The following CDH4 variants were observed in gnomAD, a reference collection of about 807,000 sequenced individuals.
The protein encoded by CDH4 is cadherin-4.
In CDH4, 33 loss-of-function variants were observed where a neutral mutation model predicts 86.0. That is an observed-to-expected ratio of 0.38 (90% CI 0.29 to 0.51). The LOEUF (loss-of-function observed/expected upper bound fraction) is 0.51. Among genes scored for constraint, CDH4 ranks in the 20% least tolerant of loss-of-function variants. CDH4 has a pLI of 0.86. For synonymous variants in CDH4, 555 were observed against 549.4 expected (o/e 1.01, Z -0.14); for missense variants, 1,114 against 1,307.4 (o/e 0.85, Z 2.28).
At chr20:61,455,163 A>G (rs1471907496) in intron 2 of CDH4, among the ~76,000 whole-genome samples, 1 of 152,208 alleles carries the variant, frequency 6.6e-6, no homozygotes, top group East Asian at 1.9e-4. Flanking sequence ...ACATCTCCAC[A>G]AGCATATACT....
chr20:61,279,003 C>T (rs28590019), intron 2 of CDH4, among the ~76,000 whole-genome samples: 2,991 of 152,308 alleles, frequency 0.02, 37 homozygotes, highest in Middle Eastern at 0.037. Context: ...GAGCTGGGAC[C>T]AGCGTGCTGA....
chr20:61,310,070 G>A (rs1157771177), intron 2 of CDH4, among the ~76,000 whole-genome samples: 1 of 152,174 alleles, frequency 6.6e-6, no homozygotes, highest in Non-Finnish European at 1.5e-5. Flanking sequence ...GTTCGTGCCA[G>A]TTGGATGGCT....
chr20:61,635,912 G>C (rs547184959), intron 2 of CDH4, among the ~76,000 whole-genome samples: 1 of 152,336 alleles, frequency 6.6e-6, no homozygotes, highest in East Asian at 1.9e-4. Flanking sequence ...AAATGACTTA[G>C]TGGCAGTGGG....
At chr20:61,617,640 G>A (rs539826591) in intron 2 of CDH4, among the ~76,000 whole-genome samples, 9 of 152,334 alleles carry the variant, frequency 5.9e-5, no homozygotes, top group South Asian at 2.1e-4. Flanking sequence ...AGCCTCTGAC[G>A]TGAAAAGGTG....
intron 2 of CDH4, among the ~76,000 whole-genome samples, chr20:61,595,439 T>C (rs1371633361): frequency 6.6e-6 from 1 of 152,148 alleles, no homozygotes; most frequent in Non-Finnish European, 1.5e-5. Flanking sequence ...GCGGGATCCT[T>C]CCCCACCAAA....
Position 61,252,673 on chromosome 20 carries a change from G to A in CDH4, c.57+103G>A, listed in dbSNP as rs1045033245. ...CACACACCCGGCGGGGCTCTCCCGG[G>A]CTCCCCCGCCGCGCTCCCCGCTGCA... On this transcript the variant is annotated intron_variant, in intron 1 of 15. Coordinates refer to ENST00000614565, the MANE Select transcript of CDH4 (RefSeq NM_001794.5). This position sits in a 1 kb window ranked among gnomAD's most constrained non-coding sequence, Gnocchi z 4.4. 23 of 620,364 alleles carry A rather than the reference G, an allele frequency of 3.7e-5. No individual in the cohort carries two copies. The highest frequency in any genetic ancestry group is 3.5e-4 in the African/African-American group (18 of 51,290). The allele number at this position is 620,364 out of a possible 1,614,324, so 38.4% of individuals were successfully genotyped here. A position where few individuals can be genotyped will look rare whatever the true frequency, so the allele number is the denominator to read the frequency against.
chr20:61,919,704 A>G (rs534905841), intron 9 of CDH4, among the ~76,000 whole-genome samples: 2 of 151,822 alleles, frequency 1.3e-5, no homozygotes, highest in South Asian at 2.1e-4. Flanking sequence ...AGGAACCTGC[A>G]TAATTGCGTG....
At chr20:61,351,212 A>G (rs2123300118) in intron 2 of CDH4, among the ~76,000 whole-genome samples, 1 of 148,256 alleles carries the variant, frequency 6.7e-6, no homozygotes, top group African/African-American at 2.5e-5. Context: ...ATTCGGAGGA[A>G]GAATTGTGCC....
chr20:61,610,481 G>A (rs1456286840), intron 2 of CDH4, among the ~76,000 whole-genome samples: 6 of 152,064 alleles, frequency 3.9e-5, no homozygotes, highest in Admixed American at 6.5e-5. Flanking sequence ...CTATCTCTTC[G>A]AGACACCTGC....
At chr20:61,594,447 G>A (rs1433466511) in intron 2 of CDH4, among the ~76,000 whole-genome samples, 1 of 152,166 alleles carries the variant, frequency 6.6e-6, no homozygotes, top group Non-Finnish European at 1.5e-5. Flanking sequence ...TCACTGCCAA[G>A]AGAGGAGAAC....
At chr20:61,816,124 C>G (rs185905154) in intron 4 of CDH4, among the ~76,000 whole-genome samples, 92 of 152,274 alleles carry the variant, frequency 6.0e-4, no homozygotes, top group African/African-American at 2.2e-3. Flanking sequence ...GGTTTGTGAC[C>G]TGGAGTCTGT....
intron 4 of CDH4, among the ~76,000 whole-genome samples, chr20:61,826,818 C>T (rs946036289): frequency 6.6e-6 from 1 of 152,170 alleles, no homozygotes; most frequent in Admixed American, 6.5e-5. Context: ...TACCTGTCTC[C>T]TCACCTCTGC....
intron 2 of CDH4, among the ~76,000 whole-genome samples, chr20:61,723,251 G>A (rs1053941833): frequency 2.0e-5 from 3 of 152,186 alleles, no homozygotes. Flanking sequence ...CTCAGTGGTG[G>A]CTGCTCCCCT....
chr20:61,673,925 T>C lies in CDH4; in HGVS notation c.170-69638T>C, dbSNP rs114568452. ...TCCTTGCATTTGCATCCTGTGACGA[T>C]CTCCTCCAAATTGGCACCCATTGAA... On this transcript the variant is annotated intron_variant, in intron 2 of 15. Coordinates refer to ENST00000614565, the MANE Select transcript of CDH4 (RefSeq NM_001794.5). Among the ~76,000 whole-genome samples, 770 of 152,294 alleles carry C rather than the reference T, an allele frequency of 5.1e-3. 4 individuals are homozygous for C. Among genetic ancestry groups the C allele is most frequent in the African/African-American group, 0.018 (736 of 41,564 alleles).
chr20:61,302,205 C>CAGGG (rs2084389618), intron 2 of CDH4, among the ~76,000 whole-genome samples: 1 of 152,168 alleles, frequency 6.6e-6, no homozygotes, highest in Admixed American at 6.5e-5. Flanking sequence ...GAGCCCTCAC[C>CAGGG]ACAGGGCCGG....
chr20:61,275,389 GCAGTTTGGGGAGTACCATGCA>G, intron 2 of CDH4, among the ~76,000 whole-genome samples: 1 of 95,742 alleles, frequency 1.0e-5, no homozygotes, highest in African/African-American at 4.2e-5. Flanking sequence ...AGTACTGTGT[GCAGTTTGGGGAGTACCATGCA>G]CAGTTTGGGG....
At chr20:61,909,833 A>G (rs563934782) in intron 8 of CDH4, among the ~76,000 whole-genome samples, 4 of 152,174 alleles carry the variant, frequency 2.6e-5, no homozygotes, top group Non-Finnish European at 5.9e-5. Flanking sequence ...AGATGTGGCC[A>G]TATCTTCGGG....
intron 4 of CDH4, among the ~76,000 whole-genome samples, chr20:61,782,266 G>A (rs34718689): frequency 0.066 from 10,027 of 152,198 alleles, 454 homozygotes; most frequent in Non-Finnish European, 0.098. Flanking sequence ...CCGAGATCAC[G>A]CCACTGCACT....
rs989454585 is a variant in CDH4 at position 61,582,958 on chromosome 20, G to A, written c.170-160605G>A. 6.6e-6 allele frequency among the ~76,000 whole-genome samples: 1 copy of A among 151,958 alleles called. No homozygotes were observed. Among genetic ancestry groups the A allele is most frequent in the African/African-American group, 2.4e-5 (1 of 41,362 alleles). ...GCGCCCCCATGGCCCCCGGCCCTAG[G>A]CAGCCACTAATCTACTTTCTGTCTC... On this transcript the variant is annotated intron_variant, in intron 2 of 15. Transcript: ENST00000614565. This position sits in a 1 kb window ranked among gnomAD's most constrained non-coding sequence, Gnocchi z 4.2.
Sources: gnomAD v4.1 joint callset for allele counts (sites outside exome capture counted in the v4.1 genomes callset) on GRCh38, gnomAD v4.1.1 for gene constraint, Gnocchi (gnomAD v3.1) non-coding constraint, MANE v1.5 for transcripts, NCBI Gene and HGNC (gene_info 2026-07-23, HGNC 2026-07-21) for gene names.